Variants in NOD1 observed in about 807,000 individuals in gnomAD.
NOD1 encodes the protein nucleotide binding oligomerization domain containing 1.
A neutral mutation model predicts 81.2 loss-of-function variants in NOD1; 70 were observed. The observed-to-expected ratio is 0.86, with a 90% CI of 0.71 to 1.05. NOD1 has a LOEUF of 1.05. Ranked by LOEUF, NOD1 falls within the 50% of genes least tolerant of loss-of-function variation. The pLI is 0.00. For synonymous variants in NOD1, 508 were observed against 526.9 expected (o/e 0.96, Z 0.49); for missense variants, 1,233 against 1,228.0 (o/e 1.00, Z -0.06).
At chr7:30,431,011 G>A (rs1299653701) in intron 12 of NOD1, among the ~76,000 whole-genome samples, 2 of 152,198 alleles carry the variant, frequency 1.3e-5, no homozygotes, top group Non-Finnish European at 2.9e-5. Context: ...TTGAAGGCAG[G>A]GAAGGCAGCC....
intron 13 of NOD1, among the ~76,000 whole-genome samples, chr7:30,426,278 C>T (rs1439633944): frequency 6.6e-6 from 1 of 152,014 alleles, no homozygotes; most frequent in African/African-American, 2.4e-5. Flanking sequence ...AAAGTAGCCA[C>T]ACCTCCTAGG....
At chr7:30,438,597 C>G (rs548973666) in intron 9 of NOD1, among the ~76,000 whole-genome samples, 1 of 152,344 alleles carries the variant, frequency 6.6e-6, no homozygotes, top group South Asian at 2.1e-4. Context: ...CACGTTCACA[C>G]CAAGCAAACT....
intron 1 of NOD1, among the ~76,000 whole-genome samples, chr7:30,465,450 G>A (rs1315672853): frequency 1.3e-5 from 2 of 152,180 alleles, no homozygotes; most frequent in Admixed American, 6.5e-5. Flanking sequence ...TTCATGCTGT[G>A]CAGAATCACC....
At chr7:30,466,268 G>A (rs556971304) in intron 1 of NOD1, among the ~76,000 whole-genome samples, 1 of 152,172 alleles carries the variant, frequency 6.6e-6, no homozygotes, top group South Asian at 2.1e-4. Context: ...CCCCTTTGAA[G>A]TTACAGGCTT....
At chr7:30,426,412 C>A (rs1263975302) in intron 13 of NOD1, among the ~76,000 whole-genome samples, 2 of 151,308 alleles carry the variant, frequency 1.3e-5, no homozygotes, top group African/African-American at 4.9e-5. Context: ...CCCCTAATTC[C>A]TAAGAATCTA....
rs1445027956 is a variant in NOD1, at chr7:30,457,013, C to G, written c.-92G>C. 4 of 1,021,340 alleles carry G rather than the reference C, an allele frequency of 3.9e-6. No homozygotes were observed. The highest frequency in any genetic ancestry group is 6.1e-6 in the Non-Finnish European group (4 of 655,058). 63.3% of individuals were successfully genotyped at this position (1,021,340 alleles called of 1,614,324 possible). ...GGGCAATCAGGATTCAGGCCGCGCC[C>G]TCCAGGGCCCCTGCTACTCTGCGCA... On this transcript the variant is annotated 5_prime_UTR_variant, in exon 4 of 14. Transcript: ENST00000222823.
intron 6 of NOD1, among the ~76,000 whole-genome samples, chr7:30,450,098 G>C (rs1785530177): frequency 6.6e-6 from 1 of 152,208 alleles, no homozygotes; most frequent in South Asian, 2.1e-4. Context: ...GGAGGCTGGG[G>C]CAAGAGAATC....
intron 1 of NOD1, chr7:30,476,036 A>G (rs1166741702): frequency 6.6e-6 from 1 of 152,248 alleles, no homozygotes; most frequent in Non-Finnish European, 1.5e-5. Flanking sequence ...CAAAATACCT[A>G]GAGCCTCTGC....
In NOD1 at chr7:30,425,070, A is replaced by C. The variant is rs1343916251; in HGVS notation, c.*568T>G. Reference sequence around the variant, plus strand: ...TTAACTTTCCACAAAACCTTGGAGGAGTCAAATCCCACACTGCACATACTC... The same window carrying C: ...TTAACTTTCCACAAAACCTTGGAGGCGTCAAATCCCACACTGCACATACTC... On this transcript the variant is annotated 3_prime_UTR_variant, in exon 14 of 14. Coordinates refer to ENST00000222823, the MANE Select transcript of NOD1 (RefSeq NM_006092.4). 3.3e-5 allele frequency: 5 copies of C among 152,802 alleles called. No individual in the cohort carries two copies. The East Asian group carries it at 9.6e-4, about 29-fold the overall frequency. 9.5% of individuals were successfully genotyped at this position (152,802 alleles called of 1,614,324 possible).
intron 1 of NOD1, among the ~76,000 whole-genome samples, chr7:30,475,503 A>G (rs1290608123): frequency 2.0e-5 from 3 of 152,230 alleles, no homozygotes; most frequent in Admixed American, 2.0e-4. Flanking sequence ...GTAACTTTTA[A>G]TTTCCATGCA....
chr7:30,445,209 T>C (rs1784910023), intron 9 of NOD1, among the ~76,000 whole-genome samples: 1 of 93,716 alleles, frequency 1.1e-5, no homozygotes. Flanking sequence ...CATGTATACA[T>C]ATGTAACTAA....
chr7:30,429,865 A>G lies in NOD1; in HGVS notation c.2706-408T>C, dbSNP rs1156405307. 3.3e-5 allele frequency among the ~76,000 whole-genome samples: 5 copies of G among 152,074 alleles called. No homozygotes were observed. The South Asian group carries it at 8.3e-4, about 25-fold the overall frequency. ...GCCAACCTGTCTCTATTAAAAATAC[A>G]AAAAAATTAGCTGGGCATGGTGGTG... is the stretch of plus-strand genomic sequence containing the variant. On this transcript the variant is annotated intron_variant, in intron 12 of 13. Transcript: ENST00000222823.
intron 7 of NOD1, chr7:30,447,791 C>T (rs946319762): frequency 6.4e-6 from 1 of 155,918 alleles, no homozygotes. Flanking sequence ...TGTGGAGCTA[C>T]TTATAGTCTT....
chr7:30,452,489 G>C lies in NOD1; in HGVS notation c.928C>G (p.Pro310Ala). Residue 310 changes from proline to alanine, a missense_variant, in exon 6 of 14, where the codon CCC (proline) becomes GCC (alanine). Physicochemically the swap from Pro to Ala is conservative, Grantham distance 27. Transcript: ENST00000222823. ...DSSCPWEPAH[P>A]LVLLANLLSG... ...AGCAGGTTGGCCAGCAAGACCAGGG[G>C]GTGGGCAGGCTCCCAGGGGCAGGAG... The C allele has an allele frequency of 6.2e-7, 1 of 1,613,228 alleles. No homozygotes were observed. The highest frequency in any genetic ancestry group is 1.3e-5 in the African/African-American group (1 of 75,070).
Position 30,425,075 on chromosome 7 carries a change from A to G in NOD1, c.*563T>C, listed in dbSNP as rs1783333069. 6.5e-6 allele frequency: 1 copy of G among 152,804 alleles called. No individual in the cohort carries two copies. The highest frequency in any genetic ancestry group is 1.5e-5 in the Non-Finnish European group (1 of 68,494). 9.5% of individuals were successfully genotyped at this position (152,804 alleles called of 1,614,324 possible). A position where few individuals can be genotyped will look rare whatever the true frequency, so the allele number is the denominator to read the frequency against. On this transcript the variant is annotated 3_prime_UTR_variant, in exon 14 of 14. Transcript: ENST00000222823. ...TTTCCACAAAACCTTGGAGGAGTCAAATCCCACACTGCACATACTCCGGTG... is the reference window on the plus strand; with the variant it reads ...TTTCCACAAAACCTTGGAGGAGTCAGATCCCACACTGCACATACTCCGGTG...
intron 12 of NOD1, 117 bp from the exon 13 acceptor site, chr7:30,429,574 G>C (rs1476379028): frequency 3.8e-6 from 3 of 785,764 alleles, no homozygotes; most frequent in Non-Finnish European, 6.7e-6. Context: ...GGGAAGAACT[G>C]AGTCCATGTG....
In NOD1 at chr7:30,467,765, G is replaced by C. The variant is rs1250177889; in HGVS notation, c.-351-7724C>G. ...CACCCAGGCTGGAGTGCGATGGCGT[G>C]ATCTTGGCTCACTGCAACCTCCGCC... On this transcript the variant is annotated intron_variant, in intron 1 of 13. Coordinates refer to ENST00000222823, the MANE Select transcript of NOD1 (RefSeq NM_006092.4). The surrounding 1 kb of genome is among the most constrained non-coding windows in gnomAD (Gnocchi z 4.5). Among the ~76,000 whole-genome samples, 1 of 152,124 alleles carries C rather than the reference G, an allele frequency of 6.6e-6. No homozygotes were observed. Among genetic ancestry groups the C allele is most frequent in the Non-Finnish European group, 1.5e-5 (1 of 68,028 alleles).
At chr7:30,446,495 C>T in intron 8 of NOD1, 1 of 491,136 alleles carries the variant, frequency 2.0e-6, no homozygotes, top group Non-Finnish European at 3.7e-6. Context: ...TAATTGACCT[C>T]AGCAGCATCA....
chr7:30,451,348 G>A lies in NOD1; in HGVS notation c.2069C>T (p.Ala690Val), dbSNP rs2128050609. 1 of 1,614,200 alleles carries A rather than the reference G, an allele frequency of 6.2e-7. No homozygotes were observed. Among genetic ancestry groups the A allele is most frequent in the Admixed American group, 1.7e-5 (1 of 60,034 alleles). Residue 690 changes from alanine (A) to valine (V), a missense_variant, in exon 6 of 14, where the codon GCC becomes GTC. By Grantham distance (64) the Ala-to-Val change is moderately conservative. Transcript: ENST00000222823. This position sits in a 1 kb window ranked among gnomAD's most constrained non-coding sequence, Gnocchi z 4.2. ...LKLTYCNACS[A>V]DCSALSFVLH... ...GACGAAGGAGAGGGCGCTGCAGTCG[G>A]CCGAGCAGGCGTTGCAGTAGGTCAG...
Sources: allele counts gnomAD v4.1 joint callset (sites outside exome capture counted in the v4.1 genomes callset), GRCh38; gene constraint gnomAD v4.1.1; non-coding constraint Gnocchi (gnomAD v3.1); transcripts MANE v1.5; gene names NCBI Gene and HGNC (gene_info 2026-07-23, HGNC 2026-07-21).